The following GALNTL6 variants were observed in gnomAD, a reference collection of about 807,000 sequenced individuals.
The protein encoded by GALNTL6 is polypeptide N-acetylgalactosaminyltransferase like 6.
In GALNTL6, 46 loss-of-function variants were observed where a neutral mutation model predicts 73.7. The ratio of observed to expected loss-of-function variants is 0.62; its 90% confidence interval spans 0.49 to 0.80. GALNTL6 has a LOEUF of 0.80. GALNTL6 is among the 30% of genes least tolerant of loss of function. The probability of loss-of-function intolerance (pLI) is 0.00; values close to 1 mark genes in which losing one functional copy is unlikely to be tolerated. For missense variants in GALNTL6, 604 were observed against 755.0 expected (o/e 0.80, Z 2.34); for synonymous variants, 259 against 263.7 (o/e 0.98, Z 0.17).
At chr4:172,745,513 G>A (rs1455310208) in intron 5 of GALNTL6, among the ~76,000 whole-genome samples, 1 of 150,934 alleles carries the variant, frequency 6.6e-6, no homozygotes, top group Non-Finnish European at 1.5e-5. Flanking sequence ...AGAATCATCT[G>A]ACCAGCAGTG....
intron 6 of GALNTL6, among the ~76,000 whole-genome samples, chr4:172,810,873 A>T (rs1741257355): frequency 6.6e-6 from 1 of 152,202 alleles, no homozygotes; most frequent in African/African-American, 2.4e-5. Context: ...TTGAATACTC[A>T]AGGAAGTCAG....
intron 6 of GALNTL6, among the ~76,000 whole-genome samples, chr4:172,810,726 A>G (rs1741248861): frequency 2.0e-5 from 3 of 152,170 alleles, no homozygotes. Context: ...ATCCTAATCA[A>G]CTGAATGTTT....
intron 5 of GALNTL6, among the ~76,000 whole-genome samples, chr4:172,624,577 C>G (rs1243545058): frequency 6.6e-6 from 1 of 151,952 alleles, no homozygotes; most frequent in African/African-American, 2.4e-5. Flanking sequence ...ACATTGACCT[C>G]TAAAGTTTAT....
At chr4:172,869,309 G>A (rs1019995772) in intron 7 of GALNTL6, among the ~76,000 whole-genome samples, 1 of 152,140 alleles carries the variant, frequency 6.6e-6, no homozygotes. Context: ...ACAATAAACA[G>A]TAAGGAAACT....
At chr4:172,845,254 G>T (rs1047999499) in intron 7 of GALNTL6, among the ~76,000 whole-genome samples, 4 of 149,792 alleles carry the variant, frequency 2.7e-5, no homozygotes, top group Middle Eastern at 6.5e-3. Flanking sequence ...AAAGAAAACA[G>T]AAAAAGATTC....
intron 5 of GALNTL6, among the ~76,000 whole-genome samples, chr4:172,365,118 A>G (rs1265874883): frequency 6.6e-6 from 1 of 152,214 alleles, no homozygotes; most frequent in Non-Finnish European, 1.5e-5. Flanking sequence ...CTTCTGGCCA[A>G]TTTCAGTCAG....
chr4:172,031,821 A>G (rs1411081868), intron 2 of GALNTL6, among the ~76,000 whole-genome samples: 2 of 152,036 alleles, frequency 1.3e-5, no homozygotes, highest in East Asian at 3.9e-4. Context: ...CAGAGTAATA[A>G]TTTATATATA....
At chr4:172,743,285 T>C (rs916500910) in intron 5 of GALNTL6, among the ~76,000 whole-genome samples, 1 of 152,038 alleles carries the variant, frequency 6.6e-6, no homozygotes, top group Admixed American at 6.6e-5. Context: ...CAGAGCCTTT[T>C]ATTTTTACCC....
chr4:172,938,177 A>G (rs1748723292), intron 9 of GALNTL6, among the ~76,000 whole-genome samples: 1 of 152,100 alleles, frequency 6.6e-6, no homozygotes, highest in Non-Finnish European at 1.5e-5. Flanking sequence ...TATACTTCCC[A>G]AGATGCCTTT....
chr4:172,327,413 C>T (rs2111174539), intron 4 of GALNTL6, among the ~76,000 whole-genome samples: 2 of 152,146 alleles, frequency 1.3e-5, no homozygotes, highest in South Asian at 4.1e-4. Flanking sequence ...CTATCAAATC[C>T]ATTTAATCCA....
chr4:172,494,760 T>G (rs1402373792), intron 5 of GALNTL6, among the ~76,000 whole-genome samples: 1 of 152,186 alleles, frequency 6.6e-6, no homozygotes, highest in African/African-American at 2.4e-5. Flanking sequence ...GGGAGAAAGA[T>G]GAAGGTCAGA....
At chr4:172,543,541 AG>A (rs1162441896) in intron 5 of GALNTL6, among the ~76,000 whole-genome samples, 3 of 152,196 alleles carry the variant, frequency 2.0e-5, no homozygotes, top group African/African-American at 7.2e-5. Flanking sequence ...CCTGGGTCGT[AG>A]AGACTTAGCT....
intron 2 of GALNTL6, among the ~76,000 whole-genome samples, chr4:171,911,312 A>T (rs180962775): frequency 6.6e-6 from 1 of 152,132 alleles, no homozygotes; most frequent in Non-Finnish European, 1.5e-5. Context: ...GGCAAGCATC[A>T]CTACAACCAG....
chr4:172,322,735 C>T (rs925864729), intron 4 of GALNTL6, among the ~76,000 whole-genome samples: 1 of 152,046 alleles, frequency 6.6e-6, no homozygotes, highest in South Asian at 2.1e-4. Flanking sequence ...TTAAAAACCA[C>T]CCCCATAATC....
intron 7 of GALNTL6, among the ~76,000 whole-genome samples, chr4:172,873,016 C>T (rs2111168656): frequency 6.6e-6 from 1 of 152,316 alleles, no homozygotes. Flanking sequence ...AGTACTCCAT[C>T]GAAAACAGAA....
chr4:172,221,859 T>C (rs1206166403), intron 2 of GALNTL6, among the ~76,000 whole-genome samples: 3 of 151,838 alleles, frequency 2.0e-5, no homozygotes, highest in Non-Finnish European at 4.4e-5. Flanking sequence ...TGCTGATTTC[T>C]TAACCCTGCT....
chr4:172,388,517 A>C (rs978588576), intron 5 of GALNTL6, among the ~76,000 whole-genome samples: 2 of 152,132 alleles, frequency 1.3e-5, no homozygotes, highest in Non-Finnish European at 2.9e-5. Flanking sequence ...TTGGTAAGGT[A>C]TTTACTTCAA....
chr4:172,557,341 A>G (rs1045696808), intron 5 of GALNTL6, among the ~76,000 whole-genome samples: 1 of 152,272 alleles, frequency 6.6e-6, no homozygotes, highest in Non-Finnish European at 1.5e-5. Flanking sequence ...TGGCAAATGT[A>G]TCTCTTAGAT....
chr4:172,418,134 A>C (rs1730912490), intron 5 of GALNTL6, among the ~76,000 whole-genome samples: 1 of 152,174 alleles, frequency 6.6e-6, no homozygotes, highest in Non-Finnish European at 1.5e-5. Context: ...AGTTTTCACT[A>C]TGCCAAATTG....
Sources: allele counts gnomAD v4.1 joint callset (sites outside exome capture counted in the v4.1 genomes callset), GRCh38; gene constraint gnomAD v4.1.1; transcripts MANE v1.5; gene names NCBI Gene and HGNC (gene_info 2026-07-23, HGNC 2026-07-21).